MACROD2: variants seen among roughly 807,000 people sequenced by gnomAD.
MACROD2 encodes the protein mono-ADP ribosylhydrolase 2, also known as ADP-ribose glycohydrolase MACROD2.
A neutral mutation model predicts 70.4 loss-of-function variants in MACROD2; 36 were observed. That is an observed-to-expected ratio of 0.51 (90% CI 0.39 to 0.68). The LOEUF is 0.68. Ranked by LOEUF, MACROD2 falls within the 30% of genes least tolerant of loss-of-function variation. The probability of loss-of-function intolerance (pLI) is 0.00; values close to 1 mark genes in which losing one functional copy is unlikely to be tolerated. For synonymous variants in MACROD2, 172 were observed against 178.8 expected, an observed-to-expected ratio of 0.96 and a Z score of 0.30; for missense variants, 496 against 538.4, an observed-to-expected ratio of 0.92 and a Z score of 0.78.
At chr20:15,911,404 A>T (rs2065235712) in intron 10 of MACROD2, among the ~76,000 whole-genome samples, 1 of 152,220 alleles carries the variant, frequency 6.6e-6, no homozygotes, top group South Asian at 2.1e-4. Context: ...AGGAGGACAT[A>T]ATGTCATGGC....
chr20:14,164,933 T>C (rs2055245525), intron 3 of MACROD2, among the ~76,000 whole-genome samples: 1 of 152,112 alleles, frequency 6.6e-6, no homozygotes, highest in South Asian at 2.1e-4. Context: ...GCTGTGGGCA[T>C]TTGAATTTGT....
intron 4 of MACROD2, among the ~76,000 whole-genome samples, chr20:14,569,877 G>GA (rs1304940486): frequency 4.6e-5 from 7 of 151,266 alleles, no homozygotes; most frequent in Non-Finnish European, 7.4e-5. Flanking sequence ...TAGTTAAAAT[G>GA]AAAAAAAAGG....
intron 8 of MACROD2, among the ~76,000 whole-genome samples, chr20:15,670,527 TG>T (rs375426089): frequency 0.011 from 1,621 of 152,344 alleles, 16 homozygotes; most frequent in East Asian, 0.017. Flanking sequence ...ACCTCCTGAT[TG>T]CCTGTTGCTG....
intron 5 of MACROD2, among the ~76,000 whole-genome samples, chr20:14,947,870 C>G (rs751324298): frequency 6.6e-6 from 1 of 152,154 alleles, no homozygotes; most frequent in Non-Finnish European, 1.5e-5. Flanking sequence ...TCTACAGCCA[C>G]GATCCTGGTA....
At chr20:14,560,252 A>G (rs1979333843) in intron 4 of MACROD2, among the ~76,000 whole-genome samples, 1 of 150,562 alleles carries the variant, frequency 6.6e-6, no homozygotes. Context: ...GCTAGGCAGA[A>G]AGACTTGCTT....
chr20:14,329,217 T>C (rs2082790696), intron 3 of MACROD2: 1 of 152,114 alleles, frequency 6.6e-6, no homozygotes, highest in African/African-American at 2.4e-5. Flanking sequence ...CAAGAACAGG[T>C]ATTCTCTTTT....
intron 4 of MACROD2, among the ~76,000 whole-genome samples, chr20:14,677,891 A>G (rs1234435354): frequency 6.6e-6 from 1 of 152,158 alleles, no homozygotes; most frequent in Non-Finnish European, 1.5e-5. Context: ...CTAGTAATAA[A>G]AGCTGATTTT....
intron 3 of MACROD2, among the ~76,000 whole-genome samples, chr20:14,309,753 C>T (rs767059097): frequency 5.3e-5 from 8 of 151,944 alleles, no homozygotes; most frequent in Non-Finnish European, 1.2e-4. Flanking sequence ...AATAACTATA[C>T]AAATAAACAA....
At chr20:14,166,520 C>T (rs1044000031) in intron 3 of MACROD2, among the ~76,000 whole-genome samples, 2 of 152,124 alleles carry the variant, frequency 1.3e-5, no homozygotes, top group Non-Finnish European at 2.9e-5. Context: ...AATAATATTT[C>T]TCTTTAGTTT....
chr20:15,325,751 G>T (rs1194265494), intron 6 of MACROD2, among the ~76,000 whole-genome samples: 2 of 152,144 alleles, frequency 1.3e-5, no homozygotes. Context: ...GGGAACAGGG[G>T]TTCCATTAGC....
chr20:14,918,459 C>T, intron 5 of MACROD2, among the ~76,000 whole-genome samples: 1 of 152,168 alleles, frequency 6.6e-6, no homozygotes, highest in Non-Finnish European at 1.5e-5. Flanking sequence ...AGAAGGATTC[C>T]TCTCACATTG....
intron 3 of MACROD2, among the ~76,000 whole-genome samples, chr20:14,320,912 A>C (rs1443618383): frequency 6.6e-6 from 1 of 152,050 alleles, no homozygotes; most frequent in African/African-American, 2.4e-5. Flanking sequence ...CTTACCCTTC[A>C]ACACCTATCC....
intron 5 of MACROD2, among the ~76,000 whole-genome samples, chr20:15,020,944 T>G (rs148121235): frequency 1.3e-5 from 2 of 150,316 alleles, no homozygotes; most frequent in African/African-American, 4.9e-5. Flanking sequence ...TGTATACATA[T>G]GTATACATAT....
intron 3 of MACROD2, among the ~76,000 whole-genome samples, chr20:14,155,694 GT>G (rs2055092791): frequency 6.6e-6 from 1 of 151,368 alleles, no homozygotes; most frequent in Non-Finnish European, 1.5e-5. Context: ...TGTTTTATTA[GT>G]TTTTTTTCTG....
At chr20:15,598,008 G>T (rs971713590) in intron 8 of MACROD2, among the ~76,000 whole-genome samples, 2 of 132,418 alleles carry the variant, frequency 1.5e-5, no homozygotes, top group Non-Finnish European at 3.2e-5. Flanking sequence ...GAACCTGGGA[G>T]GCAGAGGTTG....
intron 6 of MACROD2, among the ~76,000 whole-genome samples, chr20:15,264,928 A>G (rs1048346034): frequency 1.3e-5 from 2 of 152,078 alleles, no homozygotes; most frequent in Non-Finnish European, 2.9e-5. Flanking sequence ...GAGACCTTAG[A>G]TCTGAGGCTG....
intron 5 of MACROD2, among the ~76,000 whole-genome samples, chr20:14,918,717 C>T (rs1178525593): frequency 6.7e-6 from 1 of 148,596 alleles, no homozygotes. Context: ...ATTTCTGAAA[C>T]CAAATTCAAG....
At chr20:14,945,100 T>A (rs2074420232) in intron 5 of MACROD2, among the ~76,000 whole-genome samples, 1 of 152,030 alleles carries the variant, frequency 6.6e-6, no homozygotes, top group Non-Finnish European at 1.5e-5. Flanking sequence ...TGGCTACTTT[T>A]CTTTTCTTTC....
intron 5 of MACROD2, among the ~76,000 whole-genome samples, chr20:14,716,079 A>G (rs2071394066): frequency 6.6e-6 from 1 of 152,154 alleles, no homozygotes; most frequent in Admixed American, 6.5e-5. Context: ...TTTCTGAAAG[A>G]TGGACTCTGT....
Sources: allele counts gnomAD v4.1 joint callset (sites outside exome capture counted in the v4.1 genomes callset), GRCh38; gene constraint gnomAD v4.1.1; transcripts MANE v1.5; gene names NCBI Gene and HGNC (gene_info 2026-07-23, HGNC 2026-07-21).